Variants in CTNNA2 observed in about 807,000 individuals in gnomAD.
CTNNA2 encodes catenin alpha 2.
In CTNNA2, 42 loss-of-function variants were observed where a neutral mutation model predicts 101.0. That is an observed-to-expected ratio of 0.42 (90% CI 0.32 to 0.54). CTNNA2 has a LOEUF of 0.54. Ranked by LOEUF, CTNNA2 falls within the 20% of genes least tolerant of loss-of-function variation. The pLI, the probability that CTNNA2 is intolerant of heterozygous loss-of-function variation, is 0.14. For synonymous variants in CTNNA2, 450 were observed against 456.4 expected (o/e 0.99, Z 0.18); for missense variants, 871 against 1,223.1 (o/e 0.71, Z 4.29).
At chr2:80,199,450 C>CT (rs1707063302) in intron 7 of CTNNA2, among the ~76,000 whole-genome samples, 1 of 152,134 alleles carries the variant, frequency 6.6e-6, no homozygotes, top group African/African-American at 2.4e-5. Context: ...AAGATCATCT[C>CT]TGTCTTGAAT....
At chr2:80,556,335 T>C (rs968863101) in intron 12 of CTNNA2, among the ~76,000 whole-genome samples, 4 of 152,196 alleles carry the variant, frequency 2.6e-5, no homozygotes, top group Non-Finnish European at 4.4e-5. Flanking sequence ...CTTGAGAGGA[T>C]AGGACCTTAA....
chr2:79,230,709 C>T (rs189481721), intron 2 of CTNNA2, among the ~76,000 whole-genome samples: 41 of 152,252 alleles, frequency 2.7e-4, no homozygotes, highest in African/African-American at 8.9e-4. Context: ...CTGGAAAAGC[C>T]ACAGGCACTC....
chr2:80,168,825 G>A (rs72926655), intron 7 of CTNNA2, among the ~76,000 whole-genome samples: 43,431 of 151,826 alleles, frequency 0.29, 9,796 homozygotes, highest in African/African-American at 0.63. Context: ...CGAATGTATA[G>A]TAGGGGATGA....
intron 7 of CTNNA2, among the ~76,000 whole-genome samples, chr2:80,388,066 A>G (rs1677176929): frequency 6.6e-6 from 1 of 152,234 alleles, no homozygotes; most frequent in African/African-American, 2.4e-5. Flanking sequence ...CAGCAGAGGA[A>G]ATACACCTCA....
chr2:79,494,277 A>ATTT (rs35039244), intron 4 of CTNNA2, among the ~76,000 whole-genome samples: 73 of 147,214 alleles, frequency 5.0e-4, no homozygotes, highest in African/African-American at 1.8e-3. Flanking sequence ...CAGCTGCCCT[A>ATTT]TTTTTTTTTT....
At chr2:79,296,033 C>T (rs1459250823) in intron 2 of CTNNA2, among the ~76,000 whole-genome samples, 1 of 151,802 alleles carries the variant, frequency 6.6e-6, no homozygotes, top group Non-Finnish European at 1.5e-5. Context: ...TTTTCTGCCT[C>T]ATTCCTACTA....
rs565058948 is a variant in CTNNA2, at chr2:80,009,549, A to G, written c.1056+99752A>G. On this transcript the variant is annotated intron_variant, in intron 7 of 18. Coordinates refer to ENST00000402739, the MANE Select transcript of CTNNA2 (RefSeq NM_001282597.3). ...CACACAGGCATGCACATGTGCACAC[A>G]TACATGAAAATATATGCACATTCAC... 9.8e-5 allele frequency among the ~76,000 whole-genome samples: 15 copies of G among 152,330 alleles called. No individual in the cohort carries two copies. The South Asian group carries it at 3.1e-3, about 32-fold the overall frequency.
At chr2:79,255,531 T>C (rs993460682) in intron 2 of CTNNA2, among the ~76,000 whole-genome samples, 2 of 152,116 alleles carry the variant, frequency 1.3e-5, no homozygotes, top group African/African-American at 4.8e-5. Flanking sequence ...CATGTGTATA[T>C]TGGGTAATGG....
At chr2:80,198,057 A>G (rs575100441) in intron 7 of CTNNA2, among the ~76,000 whole-genome samples, 2 of 152,324 alleles carry the variant, frequency 1.3e-5, no homozygotes, top group East Asian at 1.9e-4. Context: ...AAACATTTAG[A>G]AAAGGATTGA....
chr2:79,720,455 A>G (rs555318977), intron 2 of CTNNA2, among the ~76,000 whole-genome samples: 1 of 152,054 alleles, frequency 6.6e-6, no homozygotes, highest in African/African-American at 2.4e-5. Flanking sequence ...TGCTAGAAAT[A>G]TCATTGAACC....
intron 7 of CTNNA2, among the ~76,000 whole-genome samples, chr2:79,969,568 A>G (rs1690327329): frequency 6.6e-6 from 1 of 152,212 alleles, no homozygotes; most frequent in South Asian, 2.1e-4. Flanking sequence ...TTCCAAATAA[A>G]TTGAGAGAAG....
intron 7 of CTNNA2, among the ~76,000 whole-genome samples, chr2:79,997,666 G>A (rs1692654105): frequency 6.6e-6 from 1 of 152,128 alleles, no homozygotes; most frequent in Admixed American, 6.6e-5. Flanking sequence ...ACACAGCAAA[G>A]ACTTCCAGAA....
intron 7 of CTNNA2, among the ~76,000 whole-genome samples, chr2:80,355,668 G>T (rs1370301772): frequency 6.6e-6 from 1 of 152,254 alleles, no homozygotes; most frequent in Admixed American, 6.5e-5. Context: ...TTTAGTTTTA[G>T]GGAAAGACCA....
At chr2:80,495,127 G>T (rs1449222512) in intron 9 of CTNNA2, among the ~76,000 whole-genome samples, 2 of 152,152 alleles carry the variant, frequency 1.3e-5, no homozygotes, top group Non-Finnish European at 2.9e-5. Context: ...TAGTTGGTTT[G>T]CCAGGATGAC....
At chr2:79,870,653 G>A (rs1007696517) in intron 5 of CTNNA2, among the ~76,000 whole-genome samples, 1 of 152,160 alleles carries the variant, frequency 6.6e-6, no homozygotes, top group Non-Finnish European at 1.5e-5. Flanking sequence ...CTGACTCACA[G>A]TTCCACATGG....
intron 2 of CTNNA2, among the ~76,000 whole-genome samples, chr2:79,728,481 T>G (rs1457303379): frequency 1.3e-5 from 2 of 152,242 alleles, no homozygotes; most frequent in Non-Finnish European, 2.9e-5. Context: ...AATAGCCCTT[T>G]GTCAGATGAG....
intron 9 of CTNNA2, among the ~76,000 whole-genome samples, chr2:80,509,714 T>TGTCATCA (rs1688552810): frequency 6.6e-6 from 1 of 152,180 alleles, no homozygotes; most frequent in Non-Finnish European, 1.5e-5. Context: ...AGATAATGGT[T>TGTCATCA]GTCATCAGTC....
At position 80,303,603 on chromosome 2, in the gene CTNNA2, G is replaced by T. The variant is rs1408977517; in HGVS notation, c.1057-89608G>T. 5 of 1,614,158 alleles carry T rather than the reference G, an allele frequency of 3.1e-6. No individual in the cohort carries two copies. Among genetic ancestry groups the T allele is most frequent in the Admixed American group, 1.7e-5 (1 of 60,022 alleles). The stretch of plus-strand genomic sequence containing the variant: ...CGCAGCTCCGAGAGGCTGTTGTAGC[G>T]CAGGGACAAGCCCAGCAGGCCGGAC... On this transcript the variant is annotated intron_variant, in intron 7 of 18. Coordinates refer to ENST00000402739, the MANE Select transcript of CTNNA2 (RefSeq NM_001282597.3). The surrounding 1 kb of genome is among the most constrained non-coding windows in gnomAD (Gnocchi z 7.7).
chr2:79,810,980 A>G (rs1272954492), intron 3 of CTNNA2, among the ~76,000 whole-genome samples: 4 of 151,390 alleles, frequency 2.6e-5, no homozygotes, highest in African/African-American at 4.9e-5. Flanking sequence ...TAGTGCCGCA[A>G]TAAACATACG....
Sources: gnomAD v4.1 joint callset for allele counts (sites outside exome capture counted in the v4.1 genomes callset) on GRCh38, gnomAD v4.1.1 for gene constraint, Gnocchi (gnomAD v3.1) non-coding constraint, MANE v1.5 for transcripts, NCBI Gene and HGNC (gene_info 2026-07-23, HGNC 2026-07-21) for gene names.